Variants in VPS13D observed in about 807,000 individuals in gnomAD.
The protein encoded by VPS13D is intermembrane lipid transfer protein VPS13D.
In VPS13D, 187 loss-of-function variants were observed where a neutral mutation model predicts 461.9. The observed-to-expected ratio is 0.40, with a 90% CI of 0.36 to 0.46. VPS13D has a LOEUF of 0.46. Ranked by LOEUF, VPS13D falls within the 20% of genes least tolerant of loss-of-function variation. The pLI, the probability that VPS13D is intolerant of heterozygous loss-of-function variation, is 0.60. For missense variants in VPS13D, 4,711 were observed against 5,364.9 expected (o/e 0.88, Z 3.81); for synonymous variants, 1,951 against 1,986.3 (o/e 0.98, Z 0.47).
At position 12,261,273 on chromosome 1, in the gene VPS13D, C is replaced by A. The variant is rs1569720729; in HGVS notation, c.1414+124C>A. Reference sequence around the variant, plus strand: ...GGAGAACAGTTTATGTTCATAGAGGCTGAGAGAAGAAGTATTTTGGGAGAT... The same window carrying A: ...GGAGAACAGTTTATGTTCATAGAGGATGAGAGAAGAAGTATTTTGGGAGAT... On this transcript the variant is annotated intron_variant, in intron 12 of 69. Transcript: ENST00000620676. 3.2e-5 allele frequency: 37 copies of A among 1,144,348 alleles called. No individual in the cohort carries two copies. In the South Asian group the frequency reaches 5.1e-4, roughly 16 times the overall value. 70.9% of individuals were successfully genotyped at this position (1,144,348 alleles called of 1,614,324 possible).
intron 60 of VPS13D, among the ~76,000 whole-genome samples, chr1:12,391,009 CAGAG>C (rs1557751662): frequency 1.3e-5 from 2 of 152,200 alleles, no homozygotes; most frequent in Admixed American, 6.5e-5. Flanking sequence ...TTTGACCACT[CAGAG>C]AGGTCCATCC....
intron 69 of VPS13D, among the ~76,000 whole-genome samples, chr1:12,508,347 T>C (rs1646139953): frequency 6.6e-6 from 1 of 152,124 alleles, no homozygotes; most frequent in Admixed American, 6.6e-5. Flanking sequence ...AGATCAGTTA[T>C]GGCCGTGGGG....
rs763267940 is a variant in VPS13D, at chr1:12,318,280, C to A, written c.7357C>A (p.Arg2453=). The A allele has an allele frequency of 2.5e-6, 4 of 1,613,878 alleles. 1 individual carries two copies. The Admixed American group carries it at 6.7e-5, about 27-fold the overall frequency. ...TGTGAAGAGTGGAGTAGTTACCAAGCGGTCTTCCCTTCCTGTGTCCAATGA... is the reference window on the plus strand; with the variant it reads ...TGTGAAGAGTGGAGTAGTTACCAAGAGGTCTTCCCTTCCTGTGTCCAATGA... ...KTVKSGVVTK[R]SSLPVSNERH... is the part of the protein sequence containing the mutation. Residue 2453 remains arginine, a synonymous_variant, in exon 31 of 70, where the codon CGG becomes AGG. Transcript: ENST00000620676.
chr1:12,266,465 C>T (rs1394070634), intron 13 of VPS13D, among the ~76,000 whole-genome samples: 1 of 152,236 alleles, frequency 6.6e-6, no homozygotes, highest in Non-Finnish European at 1.5e-5. Context: ...TAGGCAAGGC[C>T]TTCCATCAGC....
In VPS13D at chr1:12,502,773, A is replaced by G. The variant is rs1263242390; in HGVS notation, c.12795-4080A>G. Among the ~76,000 whole-genome samples the G allele has an allele frequency of 1.3e-5, 2 of 152,072 alleles. No homozygotes were observed. Among genetic ancestry groups the G allele is most frequent in the African/African-American group, 2.4e-5 (1 of 41,392 alleles). ...CCTTCTAGAGAGACATCTCTCTCCA[A>G]TCTGCTGATGAGAGGATGTGTGGGG... is the stretch of plus-strand genomic sequence containing the variant. On this transcript the variant is annotated intron_variant, in intron 68 of 69. Transcript: ENST00000620676. The surrounding 1 kb of genome is among the most constrained non-coding windows in gnomAD (Gnocchi z 4.3).
rs118008805 is a variant in VPS13D at position 12,296,283 on chromosome 1, A to G, written c.6033+2579A>G. ...GCTGTCTCAATGATAGTCTCCCATCAGCAGTGTATAATAATTTCTTTTAAT... is the reference window on the plus strand; with the variant it reads ...GCTGTCTCAATGATAGTCTCCCATCGGCAGTGTATAATAATTTCTTTTAAT... On this transcript the variant is annotated intron_variant, in intron 24 of 69. Transcript: ENST00000620676. Among the ~76,000 whole-genome samples the G allele has an allele frequency of 3.9e-5, 6 of 152,338 alleles. No homozygotes were observed. The East Asian group carries it at 1.2e-3, about 29-fold the overall frequency.
intron 14 of VPS13D, among the ~76,000 whole-genome samples, chr1:12,267,568 G>C (rs1045303223): frequency 1.3e-5 from 2 of 152,152 alleles, no homozygotes; most frequent in Non-Finnish European, 2.9e-5. Flanking sequence ...CTTAAAGTTT[G>C]AAAAGTTAGA....
intron 22 of VPS13D, 43 bp downstream of exon 22, chr1:12,288,356 G>A (rs1426560174): frequency 6.5e-7 from 1 of 1,534,796 alleles, no homozygotes; most frequent in Admixed American, 1.7e-5. Flanking sequence ...GCAAAATCTG[G>A]TCAGCATTTG....
At chr1:12,461,684 G>A (rs1233275514) in intron 67 of VPS13D, among the ~76,000 whole-genome samples, 2 of 152,174 alleles carry the variant, frequency 1.3e-5, no homozygotes, top group African/African-American at 4.8e-5. Flanking sequence ...GTGTAAAGCT[G>A]AAGACGCCTA....
At chr1:12,320,665 C>G (rs1484564011) in intron 32 of VPS13D, among the ~76,000 whole-genome samples, 1 of 152,136 alleles carries the variant, frequency 6.6e-6, no homozygotes, top group Non-Finnish European at 1.5e-5. Flanking sequence ...ATCTGCCTTC[C>G]AAGCCACCAC....
intron 6 of VPS13D, among the ~76,000 whole-genome samples, chr1:12,251,166 C>T (rs904571353): frequency 9.5e-4 from 144 of 152,302 alleles, no homozygotes; most frequent in African/African-American, 3.4e-3. Context: ...ACTGCATGGC[C>T]TGCAGAGCCT....
chr1:12,270,514 C>A (rs1369178508), intron 16 of VPS13D, among the ~76,000 whole-genome samples: 1 of 152,128 alleles, frequency 6.6e-6, no homozygotes, highest in African/African-American at 2.4e-5. Flanking sequence ...TCCATTTTCT[C>A]TTTCAGTGCT....
Position 12,267,993 on chromosome 1 carries a change from G to T in VPS13D, c.1801+73G>T. The T allele has an allele frequency of 8.4e-6, 11 of 1,308,490 alleles. No homozygotes were observed. In the South Asian group the frequency reaches 1.3e-4, roughly 16 times the overall value. 81.1% of individuals were successfully genotyped at this position (1,308,490 alleles called of 1,614,324 possible). On this transcript the variant is annotated intron_variant, in intron 15 of 69. Transcript: ENST00000620676. Reference sequence around the variant, plus strand: ...TAATTTTTCTTTGAGACAGGGCCTCGCTCTGTCACCCAGGCTGGAGTGCAG... The same window carrying T: ...TAATTTTTCTTTGAGACAGGGCCTCTCTCTGTCACCCAGGCTGGAGTGCAG...
rs996984828 is a variant in VPS13D, at chr1:12,368,598, A to G, written c.10572+7A>G. On this transcript the variant is annotated splice_region_variant and intron_variant, in intron 53 of 69. Transcript: ENST00000620676. The stretch of plus-strand genomic sequence containing the variant: ...AATTGACAACTTTTCTAAGGTATCA[A>G]GTGGAGCTGAGAGCCAGTTTGACTG... 1.2e-6 allele frequency: 2 copies of G among 1,610,372 alleles called. No homozygotes were observed. The highest frequency in any genetic ancestry group is 1.1e-5 in the South Asian group (1 of 90,420).
chr1:12,476,694 T>C (rs1352858168), intron 67 of VPS13D, among the ~76,000 whole-genome samples: 1 of 152,220 alleles, frequency 6.6e-6, no homozygotes, highest in Non-Finnish European at 1.5e-5. Context: ...TGGTTCTCTA[T>C]AACACTATAT....
At chr1:12,289,763 T>C (rs1642073254) in intron 22 of VPS13D, among the ~76,000 whole-genome samples, 1 of 151,842 alleles carries the variant, frequency 6.6e-6, no homozygotes, top group Admixed American at 6.6e-5. Flanking sequence ...TAGTGAGACC[T>C]CATCTCTACA....
At chr1:12,247,663 C>CT (rs202058060) in intron 5 of VPS13D, among the ~76,000 whole-genome samples, 3,089 of 147,964 alleles carry the variant, frequency 0.021, 150 homozygotes, top group Admixed American at 0.12. Flanking sequence ...ACTTGTGTAT[C>CT]TTTTTTTTGG....
At chr1:12,333,706 G>A (rs1643385234) in intron 38 of VPS13D, among the ~76,000 whole-genome samples, 2 of 152,176 alleles carry the variant, frequency 1.3e-5, no homozygotes, top group Non-Finnish European at 2.9e-5. Flanking sequence ...AGCTATTCAC[G>A]GACTAATTCT....
chr1:12,507,513 C>T lies in VPS13D; in HGVS notation c.13035+420C>T, dbSNP rs17038047. ...ATTGTTTCTCCTTAACAGTGGAAACCGTAACTTTTGTTCTAGTAGCATCTA... is the reference window on the plus strand; with the variant it reads ...ATTGTTTCTCCTTAACAGTGGAAACTGTAACTTTTGTTCTAGTAGCATCTA... On this transcript the variant is annotated intron_variant, in intron 69 of 69. Coordinates refer to ENST00000620676, the MANE Select transcript of VPS13D (RefSeq NM_015378.4). This position sits in a 1 kb window ranked among gnomAD's most constrained non-coding sequence, Gnocchi z 5.3. 1.5e-5 allele frequency: 7 copies of T among 458,596 alleles called. No homozygotes were observed. The highest frequency in any genetic ancestry group is 8.0e-5 in the African/African-American group (4 of 50,060). The allele number at this position is 458,596 out of a possible 1,614,324, so 28.4% of individuals were successfully genotyped here. A position where few individuals can be genotyped will look rare whatever the true frequency, so the allele number is the denominator to read the frequency against.
Sources: gnomAD v4.1 joint callset for allele counts (sites outside exome capture counted in the v4.1 genomes callset) on GRCh38, gnomAD v4.1.1 for gene constraint, Gnocchi (gnomAD v3.1) non-coding constraint, MANE v1.5 for transcripts, NCBI Gene and HGNC (gene_info 2026-07-23, HGNC 2026-07-21) for gene names.